Variants in TMEM63B observed in about 807,000 individuals in gnomAD.
The protein encoded by TMEM63B is transmembrane protein 63B.
TMEM63B carries 23 observed loss-of-function variants against 102.6 expected under a neutral mutation model. That is an observed-to-expected ratio of 0.22 (90% CI 0.16 to 0.32). The LOEUF (loss-of-function observed/expected upper bound fraction) is 0.32. TMEM63B is among the 10% of genes least tolerant of loss of function. The pLI is 1.00. For synonymous variants in TMEM63B, 444 were observed against 437.0 expected, an observed-to-expected ratio of 1.02 and a Z score of -0.20; for missense variants, 628 against 1,095.9, an observed-to-expected ratio of 0.57 and a Z score of 6.03.
At chr6:44,135,130 C>G (rs1295595108) in intron 3 of TMEM63B, 34 bp downstream of exon 3, 1 of 1,609,490 alleles carries the variant, frequency 6.2e-7, no homozygotes, top group Non-Finnish European at 8.5e-7. Context: ...TAGCTCTCCA[C>G]ACACACATCT....
At chr6:44,153,257 AC>A (rs1199289351) in intron 20 of TMEM63B, among the ~76,000 whole-genome samples, 2 of 152,082 alleles carry the variant, frequency 1.3e-5, no homozygotes, top group Non-Finnish European at 2.9e-5. Context: ...TAACTCCTTA[AC>A]CAACCCTCCC....
At position 44,132,853 on chromosome 6, in the gene TMEM63B, G is replaced by A. The variant is rs571964994; in HGVS notation, c.-24-1708G>A. ...ATTTATAAAGCTTCCATGGTCTGCC[G>A]AGTCCTGTTCTAGGAACATCAGAAA... On this transcript the variant is annotated intron_variant, in intron 1 of 23. Coordinates refer to ENST00000323267, the MANE Select transcript of TMEM63B (RefSeq NM_018426.3). 7.2e-4 allele frequency among the ~76,000 whole-genome samples: 109 copies of A among 152,274 alleles called. 2 individuals are homozygous for A. Among genetic ancestry groups the A allele is most frequent in the African/African-American group, 2.4e-3 (101 of 41,540 alleles).
chr6:44,135,710 GCTT>G (rs1383491712), intron 4 of TMEM63B, among the ~76,000 whole-genome samples: 1 of 152,238 alleles, frequency 6.6e-6, no homozygotes. Flanking sequence ...GTCACCAGCA[GCTT>G]CTTGTCCGCT....
chr6:44,143,935 ATG>A (rs1267900483), intron 10 of TMEM63B, among the ~76,000 whole-genome samples: 1 of 152,166 alleles, frequency 6.6e-6, no homozygotes, highest in Non-Finnish European at 1.5e-5. Context: ...TATACCTACT[ATG>A]TGCTTCATGC....
Position 44,153,830 on chromosome 6 carries a change from C to T in TMEM63B, c.2097C>T (p.Ser699=), listed in dbSNP as rs746204031. 20 of 1,613,652 alleles carry T rather than the reference C, an allele frequency of 1.2e-5. No individual in the cohort carries two copies. The South Asian group carries it at 2.0e-4, about 16-fold the overall frequency. The change falls in exon 21 of 24, where the codon TCC becomes TCT. Residue 699 remains serine (S), a synonymous_variant. Coordinates refer to ENST00000323267, the MANE Select transcript of TMEM63B (RefSeq NM_018426.3). ...ILCLFWLLFF[S]TMRTGFLAPT... ...GCCTCTTCTGGCTGCTCTTCTTTTCCACCATGCGCACGGGTGAGGGATCCC... is the reference window on the plus strand; with the variant it reads ...GCCTCTTCTGGCTGCTCTTCTTTTCTACCATGCGCACGGGTGAGGGATCCC...
chr6:44,136,420 A>T lies in TMEM63B; in HGVS notation c.350A>T (p.Asp117Val). 6.2e-7 allele frequency: 1 copy of T among 1,613,858 alleles called. No homozygotes were observed. Among genetic ancestry groups the T allele is most frequent in the Non-Finnish European group, 8.5e-7 (1 of 1,179,948 alleles). The change falls in exon 5 of 24, where the codon GAC becomes GTC. Residue 117 changes from aspartate to valine, a missense_variant. By Grantham distance (152) the Asp-to-Val change is radical (BLOSUM62 -3). Coordinates refer to ENST00000323267, the MANE Select transcript of TMEM63B (RefSeq NM_018426.3). ...ERLTSVSSSV[D>V]FDQRDNGFCS... Reference sequence around the variant, plus strand: ...CTCACCTCTGTCTCCAGCTCCGTTGACTTTGACCAAAGGGACAATGTGAGT... The same window carrying T: ...CTCACCTCTGTCTCCAGCTCCGTTGTCTTTGACCAAAGGGACAATGTGAGT...
chr6:44,148,308 G>A lies in TMEM63B; in HGVS notation c.1044G>A (p.Lys348=). The part of the protein sequence containing the change: ...KLEQKLKEDY[K]REKEKVNEKP... ...AGCAGAAGCTGAAGGAAGACTACAA[G>A]CGGGAGAAGGAGAAGGTGAATGAGA... Residue 348 remains lysine (K), a synonymous_variant, in exon 13 of 24, where the codon AAG becomes AAA. Coordinates refer to ENST00000323267, the MANE Select transcript of TMEM63B (RefSeq NM_018426.3). This position sits in a 1 kb window ranked among gnomAD's most constrained non-coding sequence, Gnocchi z 5.1. 1.9e-6 allele frequency: 3 copies of A among 1,614,236 alleles called. No individual in the cohort carries two copies. Among genetic ancestry groups the A allele is most frequent in the South Asian group, 1.1e-5 (1 of 91,088 alleles).
chr6:44,146,702 C>A, intron 10 of TMEM63B, 145 bp from the exon 11 acceptor site: 1 of 777,316 alleles, frequency 1.3e-6, no homozygotes, highest in Non-Finnish European at 2.2e-6. Context: ...CCTCCCGCTT[C>A]GGCCCCCCAA....
intron 9 of TMEM63B, among the ~76,000 whole-genome samples, chr6:44,140,704 C>G (rs1723154596): frequency 6.6e-6 from 1 of 152,180 alleles, no homozygotes; most frequent in Non-Finnish European, 1.5e-5. Flanking sequence ...CTACTCCATG[C>G]CAGCCACTGT....
rs368968804 is a variant in TMEM63B, at chr6:44,154,418, C to T, written c.2280C>T (p.Pro760=). 15 of 1,614,084 alleles carry T rather than the reference C, an allele frequency of 9.3e-6. No individual in the cohort carries two copies. In the South Asian group the frequency reaches 1.1e-4, roughly 12 times the overall value. ...ACCCCAGAAGCAATGGACGGCCCCC[C>T]ACTGCTGCTGCTGTCCCCAAATCTG... ...TVDPRSNGRP[P]TAAAVPKSAK... The change falls in exon 23 of 24, where the codon CCC becomes CCT. Residue 760 remains proline (P), a synonymous_variant. Coordinates refer to ENST00000323267, the MANE Select transcript of TMEM63B (RefSeq NM_018426.3).
Position 44,152,586 on chromosome 6 carries a change from C to T in TMEM63B, c.1837-7C>T. The T allele has an allele frequency of 6.2e-7, 1 of 1,606,806 alleles. No individual in the cohort carries two copies. Among genetic ancestry groups the T allele is most frequent in the Non-Finnish European group, 8.5e-7 (1 of 1,179,036 alleles). ...CTGAGCCATCCTCCTGCCCGTCTCC[C>T]CCCCAGCATCAGGCCTACGAGTTCC... On this transcript the variant is annotated splice_polypyrimidine_tract_variant and splice_region_variant and intron_variant, in intron 19 of 23. Coordinates refer to ENST00000323267, the MANE Select transcript of TMEM63B (RefSeq NM_018426.3). This position sits in a 1 kb window ranked among gnomAD's most constrained non-coding sequence, Gnocchi z 6.4.
chr6:44,131,791 T>G, intron 1 of TMEM63B, among the ~76,000 whole-genome samples: 1 of 141,156 alleles, frequency 7.1e-6, no homozygotes, highest in Non-Finnish European at 1.5e-5. Context: ...ATGCACACAC[T>G]CCTTAATGGT....
chr6:44,152,799 G>T lies in TMEM63B; in HGVS notation c.1942+101G>T. On this transcript the variant is annotated intron_variant, in intron 20 of 23. Transcript: ENST00000323267. The surrounding 1 kb of genome is among the most constrained non-coding windows in gnomAD (Gnocchi z 6.4). Reference sequence around the variant, plus strand: ...AGGCCACCCCGAGTGGACAGGGCCCGGCTGGGAGACCGGCCCCTCGGGGCT... The same window carrying T: ...AGGCCACCCCGAGTGGACAGGGCCCTGCTGGGAGACCGGCCCCTCGGGGCT... The T allele has an allele frequency of 9.9e-7, 1 of 1,012,128 alleles. No homozygotes were observed. The allele number at this position is 1,012,128 out of a possible 1,614,324, so 62.7% of individuals were successfully genotyped here. A position where few individuals can be genotyped will look rare whatever the true frequency, so the allele number is the denominator to read the frequency against.
In TMEM63B at chr6:44,153,735, C is replaced by T. The variant is rs763063890; in HGVS notation, c.2002C>T (p.Leu668=). Residue 668 remains leucine, a synonymous_variant, in exon 21 of 24, where the codon CTG becomes TTG. Coordinates refer to ENST00000323267, the MANE Select transcript of TMEM63B (RefSeq NM_018426.3). ...VDRYNLYYAY[L]PAKLDKKIHS... Reference sequence around the variant, plus strand: ...CAGGTACAATCTCTACTACGCCTACCTGCCGGCCAAGCTGGACAAGAAGAT... The same window carrying T: ...CAGGTACAATCTCTACTACGCCTACTTGCCGGCCAAGCTGGACAAGAAGAT... 6.2e-7 allele frequency: 1 copy of T among 1,614,150 alleles called. No homozygotes were observed. The highest frequency in any genetic ancestry group is 8.5e-7 in the Non-Finnish European group (1 of 1,180,022).
At position 44,153,632 on chromosome 6, in the gene TMEM63B, G is replaced by A. The variant is rs371195724; in HGVS notation, c.1943-44G>A. 35 of 1,590,250 alleles carry A rather than the reference G, an allele frequency of 2.2e-5. No homozygotes were observed. In the South Asian group the frequency reaches 2.3e-4, roughly 10 times the overall value. On this transcript the variant is annotated intron_variant, in intron 20 of 23. Transcript: ENST00000323267. Reference sequence around the variant, plus strand: ...CCTGTGACAGACACACAAAAGGTTCGGCAGCACTGGTTCCGAGGTCAGGGC... The same window carrying A: ...CCTGTGACAGACACACAAAAGGTTCAGCAGCACTGGTTCCGAGGTCAGGGC...
rs758277215 is a variant in TMEM63B at position 44,152,670 on chromosome 6, T to C, written c.1914T>C (p.Ser638=). 4.8e-5 allele frequency: 77 copies of C among 1,607,508 alleles called. 1 individual carries two copies. Among genetic ancestry groups the C allele is most frequent in the Non-Finnish European group, 5.0e-5 (59 of 1,179,902 alleles). Residue 638 remains serine (S), a synonymous_variant, in exon 20 of 24, where the codon AGT becomes AGC. Coordinates refer to ENST00000323267, the MANE Select transcript of TMEM63B (RefSeq NM_018426.3). The surrounding 1 kb of genome is among the most constrained non-coding windows in gnomAD (Gnocchi z 6.4). ...MCVFTVVMTY[S]ITCPIIVPFG... ...TCTTCACGGTGGTCATGACCTACAGTATCACCTGCCCCATCATCGTGCCCT... is the reference window on the plus strand; with the variant it reads ...TCTTCACGGTGGTCATGACCTACAGCATCACCTGCCCCATCATCGTGCCCT...
In TMEM63B at chr6:44,154,999, T is replaced by A. The variant is rs1767742556; in HGVS notation, c.*116T>A. The stretch of plus-strand genomic sequence containing the variant: ...GCCCCTTCCTCCCCAGCCCCTGCTT[T>A]CATTAAGGTATTTAAACTTGGGGGT... On this transcript the variant is annotated 3_prime_UTR_variant, in exon 24 of 24. Coordinates refer to ENST00000323267, the MANE Select transcript of TMEM63B (RefSeq NM_018426.3). 9.7e-7 allele frequency: 1 copy of A among 1,026,998 alleles called. No individual in the cohort carries two copies. Among genetic ancestry groups the A allele is most frequent in the Non-Finnish European group, 1.3e-6 (1 of 743,884 alleles). The allele number at this position is 1,026,998 out of a possible 1,614,324, so 63.6% of individuals were successfully genotyped here.
intron 12 of TMEM63B, among the ~76,000 whole-genome samples, chr6:44,147,886 GGCTGAA>G (rs1765752260): frequency 6.6e-6 from 1 of 152,206 alleles, no homozygotes; most frequent in Non-Finnish European, 1.5e-5. Flanking sequence ...CACTTTGTGA[GGCTGAA>G]GCAGGTGGAT....
intron 1 of TMEM63B, among the ~76,000 whole-genome samples, chr6:44,128,238 G>C (rs895918900): frequency 1.2e-4 from 18 of 152,266 alleles, no homozygotes; most frequent in Admixed American, 3.3e-4. Flanking sequence ...GAGGCCGGCC[G>C]CTGCCCCCGG....
Sources: gnomAD v4.1 joint callset for allele counts (sites outside exome capture counted in the v4.1 genomes callset) on GRCh38, gnomAD v4.1.1 for gene constraint, Gnocchi (gnomAD v3.1) non-coding constraint, MANE v1.5 for transcripts, NCBI Gene and HGNC (gene_info 2026-07-23, HGNC 2026-07-21) for gene names.